Variants in HEG1 observed in about 807,000 individuals in gnomAD.
HEG1 encodes heart development protein with EGF like domains 1, also known as protein HEG homolog 1.
Under a neutral mutation model 125.6 loss-of-function variants are expected in HEG1, and 56 were observed. That is an observed-to-expected ratio of 0.45 (90% CI 0.36 to 0.56). HEG1 has a LOEUF of 0.56. HEG1 is among the 20% of genes least tolerant of loss of function. The pLI is 0.00. For missense variants in HEG1, 1,523 were observed against 1,670.0 expected (o/e 0.91, Z 1.53); for synonymous variants, 644 against 668.5 (o/e 0.96, Z 0.57).
intron 1 of HEG1, among the ~76,000 whole-genome samples, chr3:125,040,431 C>T (rs1407637738): frequency 1.3e-5 from 2 of 152,012 alleles, no homozygotes; most frequent in Non-Finnish European, 2.9e-5. Context: ...TCTAGGGTGT[C>T]GCCTGGTAGA....
intron 9 of HEG1, among the ~76,000 whole-genome samples, chr3:125,004,759 G>A (rs1937049380): frequency 6.6e-6 from 1 of 152,126 alleles, no homozygotes; most frequent in Non-Finnish European, 1.5e-5. Context: ...AAGAGGGAAA[G>A]AAGCAGAATC....
At chr3:124,978,738 T>C (rs933305542) in intron 14 of HEG1, among the ~76,000 whole-genome samples, 1 of 151,574 alleles carries the variant, frequency 6.6e-6, no homozygotes, top group African/African-American at 2.4e-5. Context: ...GAGACCGAGG[T>C]TGCTGTGAGC....
rs1010901473 is a variant in HEG1 at position 124,967,217 on chromosome 3, T to G, written c.*3435A>C. ...TGAAAACAGTTCACAAAAATATGCT[T>G]CCAGTATGTGGGAGCCATGGCCTTA... On this transcript the variant is annotated 3_prime_UTR_variant, in exon 17 of 17. Coordinates refer to ENST00000311127, the MANE Select transcript of HEG1 (RefSeq NM_020733.2). The G allele has an allele frequency of 2.0e-5, 3 of 152,180 alleles. No homozygotes were observed. The highest frequency in any genetic ancestry group is 4.4e-5 in the Non-Finnish European group (3 of 68,036). The allele number at this position is 152,180 out of a possible 1,614,324, so 9.4% of individuals were successfully genotyped here. A position where few individuals can be genotyped will look rare whatever the true frequency, so the allele number is the denominator to read the frequency against.
At position 125,029,181 on chromosome 3, in the gene HEG1, C is replaced by T; in HGVS notation, c.610+14G>A. On this transcript the variant is annotated intron_variant, in intron 2 of 16. Transcript: ENST00000311127. Reference sequence around the variant, plus strand: ...CACACATGCGTGAAATGCGCATCATCAGCACAAGCTCACCTAAGTTGCCAC... The same window carrying T: ...CACACATGCGTGAAATGCGCATCATTAGCACAAGCTCACCTAAGTTGCCAC... 3 of 1,606,572 alleles carry T rather than the reference C, an allele frequency of 1.9e-6. No individual in the cohort carries two copies. Among genetic ancestry groups the T allele is most frequent in the Non-Finnish European group, 2.6e-6 (3 of 1,176,258 alleles).
intron 6 of HEG1, 80 bp downstream of exon 6, chr3:125,012,543 C>T: frequency 6.6e-6 from 9 of 1,364,878 alleles, no homozygotes; most frequent in Non-Finnish European, 8.9e-6. Context: ...TACAAATTCA[C>T]ATGAACCCCG....
At chr3:125,010,228 G>C (rs566010407) in intron 7 of HEG1, among the ~76,000 whole-genome samples, 98 of 152,292 alleles carry the variant, frequency 6.4e-4, no homozygotes, top group Admixed American at 2.4e-3. Flanking sequence ...GGAGTGTTGG[G>C]AACAGACACA....
At chr3:124,977,705 G>A (rs1436154907) in intron 15 of HEG1, among the ~76,000 whole-genome samples, 154 bp downstream of exon 15, 5 of 152,028 alleles carry the variant, frequency 3.3e-5, no homozygotes, top group South Asian at 2.1e-4. Context: ...ACCAACTATC[G>A]TGAATTCCCT....
At chr3:125,003,885 C>T (rs915349595) in intron 9 of HEG1, among the ~76,000 whole-genome samples, 1 of 152,214 alleles carries the variant, frequency 6.6e-6, no homozygotes, top group Non-Finnish European at 1.5e-5. Context: ...TGTTGACTTT[C>T]ACTGTAATAA....
Position 124,973,753 on chromosome 3 carries a change from TGGA to T in HEG1, c.3971_3973del (p.Leu1324del). The T allele has an allele frequency of 6.2e-7, 1 of 1,613,888 alleles. No individual in the cohort carries two copies. The highest frequency in any genetic ancestry group is 2.2e-5 in the East Asian group (1 of 44,882). On this transcript the variant is annotated inframe_deletion, in exon 16 of 17. Transcript: ENST00000311127. ...CACCGAGTAGTACACATCCGTCATC[TGGA>T]GGAGGTTTTTGGTACTTCCATTCTC...
rs1310713195 is a variant in HEG1 at position 125,013,054 on chromosome 3, A to G, written c.2525T>C (p.Phe842Ser). 3.7e-6 allele frequency: 6 copies of G among 1,613,872 alleles called. No homozygotes were observed. Among genetic ancestry groups the G allele is most frequent in the Non-Finnish European group, 5.1e-6 (6 of 1,179,892 alleles). ...AGAGGTCTTCAGAATGGTAGTTGTG[A>G]AAGTTGGAGACATTTGTGCTAAGTT... ...STNLAQMSPT[F>S]TTTILKTSQP... The change falls in exon 6 of 17, where the codon TTC becomes TCC. Residue 842 changes from phenylalanine to serine, a missense_variant. Physicochemically the swap from Phe to Ser is radical, Grantham distance 155. Coordinates refer to ENST00000311127, the MANE Select transcript of HEG1 (RefSeq NM_020733.2).
chr3:124,986,594 A>C (rs1281413044), intron 14 of HEG1, among the ~76,000 whole-genome samples: 1 of 152,256 alleles, frequency 6.6e-6, no homozygotes, highest in Non-Finnish European at 1.5e-5. Context: ...AGAGATATCA[A>C]AATGATAAAG....
At chr3:124,997,910 T>A in intron 11 of HEG1, 87 bp from the exon 12 acceptor site, 1 of 1,363,118 alleles carries the variant, frequency 7.3e-7, no homozygotes, top group Non-Finnish European at 9.7e-7. Flanking sequence ...AGCTCATGTG[T>A]CTGCATGAAC....
At chr3:125,053,217 C>T (rs1257162323) in intron 1 of HEG1, among the ~76,000 whole-genome samples, 1 of 152,104 alleles carries the variant, frequency 6.6e-6, no homozygotes, top group East Asian at 1.9e-4. Flanking sequence ...CTGTGGAGGC[C>T]CTCTCAGCAT....
intron 1 of HEG1, among the ~76,000 whole-genome samples, chr3:125,037,233 A>G (rs1937555681): frequency 6.6e-6 from 1 of 152,254 alleles, no homozygotes; most frequent in African/African-American, 2.4e-5. Context: ...TATCTATGAC[A>G]AATTGTCTCC....
intron 12 of HEG1, among the ~76,000 whole-genome samples, chr3:124,996,770 G>T (rs915482128): frequency 1.3e-5 from 2 of 152,218 alleles, no homozygotes; most frequent in Non-Finnish European, 2.9e-5. Flanking sequence ...TTTTTATTCA[G>T]ATTCCAGTAA....
chr3:124,982,252 T>C (rs1404159596), intron 14 of HEG1, among the ~76,000 whole-genome samples: 2 of 152,240 alleles, frequency 1.3e-5, no homozygotes, highest in Non-Finnish European at 2.9e-5. Context: ...GCCATGTCAC[T>C]GTAACCTTGT....
In HEG1 at chr3:125,012,747, G is replaced by T. The variant is rs141520830; in HGVS notation, c.2832C>A (p.Leu944=). 19 of 1,613,864 alleles carry T rather than the reference G, an allele frequency of 1.2e-5. No individual in the cohort carries two copies. Among genetic ancestry groups the T allele is most frequent in the Admixed American group, 1.7e-5 (1 of 60,000 alleles). ...TGGTTTGGGGAGAAGGAGATGTTCC[G>T]AGGGAACGTGAAGCTGGGCTGTACT... ...TAEYSPASRS[L]GTSPSPQTTV... The change falls in exon 6 of 17, where the codon CTC becomes CTA. Residue 944 remains leucine (L), a synonymous_variant. Transcript: ENST00000311127.
chr3:125,010,038 T>G (rs1937134138), intron 7 of HEG1, among the ~76,000 whole-genome samples: 1 of 152,194 alleles, frequency 6.6e-6, no homozygotes, highest in African/African-American at 2.4e-5. Context: ...AAGACAAGAT[T>G]TGCATATACG....
intron 5 of HEG1, among the ~76,000 whole-genome samples, chr3:125,017,059 C>CT (rs34444034): frequency 4.5e-4 from 66 of 146,090 alleles, no homozygotes; most frequent in Admixed American, 1.1e-3. Context: ...ATGCAAAGAA[C>CT]TTTTTTTTTT....
Sources: allele counts gnomAD v4.1 joint callset (sites outside exome capture counted in the v4.1 genomes callset), GRCh38; gene constraint gnomAD v4.1.1; transcripts MANE v1.5; gene names NCBI Gene and HGNC (gene_info 2026-07-23, HGNC 2026-07-21).